Variants in TRMT11 observed in about 807,000 individuals in gnomAD.
TRMT11 encodes the protein tRNA (guanine(10)-N(2))-methyltransferase TRMT11.
A neutral mutation model predicts 62.8 loss-of-function variants in TRMT11; 53 were observed. That is an observed-to-expected ratio of 0.84 (90% confidence interval 0.68 to 1.06). TRMT11 has a LOEUF of 1.06. Ranked by LOEUF, TRMT11 falls within the 50% of genes least tolerant of loss-of-function variation. TRMT11 has a pLI of 0.00. For synonymous variants in TRMT11, 188 were observed against 190.3 expected (o/e 0.99, Z 0.10); for missense variants, 556 against 553.4 (o/e 1.00, Z -0.05).
intron 17 of TRMT11, among the ~76,000 whole-genome samples, chr6:126,086,723 CT>C (rs1318825933): frequency 2.6e-5 from 4 of 152,142 alleles, no homozygotes; most frequent in Non-Finnish European, 5.9e-5. Context: ...CTGTTCACTT[CT>C]TTGTCTTATC....
chr6:126,075,553 T>C (rs1322189219), intron 17 of TRMT11, among the ~76,000 whole-genome samples: 5 of 152,034 alleles, frequency 3.3e-5, no homozygotes, highest in Admixed American at 6.6e-5. Context: ...TCCTCCATGA[T>C]TGTAAGTTTC....
chr6:126,061,063 C>A (rs1439602168), intron 17 of TRMT11, among the ~76,000 whole-genome samples: 1 of 152,172 alleles, frequency 6.6e-6, no homozygotes, highest in African/African-American at 2.4e-5. Flanking sequence ...TAAAAGAGGG[C>A]CCGCATAACA....
intron 5 of TRMT11, 72 bp from the exon 6 acceptor site, chr6:125,998,475 GTAA>G: frequency 6.8e-7 from 1 of 1,470,528 alleles, no homozygotes; most frequent in Non-Finnish European, 9.3e-7. Context: ...GGCTTACAAG[GTAA>G]TGTTATTAGA....
At chr6:126,259,941 TAGTC>T in the TRMT11 span, among the ~76,000 whole-genome samples, 1 of 152,184 alleles carries the variant, frequency 6.6e-6, no homozygotes, top group African/African-American at 2.4e-5. Flanking sequence ...CCTTTATTTT[TAGTC>T]TGTTTGTCTT....
rs1009400864 is a variant in TRMT11, at chr6:126,192,290, C to T, written n.144-6509C>T. Among the ~76,000 whole-genome samples the T allele has an allele frequency of 3.3e-4, 50 of 151,854 alleles. 1 individual carries two copies. The highest frequency in any genetic ancestry group is 2.1e-4 in the South Asian group (1 of 4,822). On this transcript the variant is annotated intron_variant and non_coding_transcript_variant, in intron 1 of 3. Coordinates refer to the TRMT11 transcript ENST00000444229. ...ACTATTGATTTTTGTATGTTGATTTCGTATCTTGCAATTTTACTAAAATGG... is the reference window on the plus strand; with the variant it reads ...ACTATTGATTTTTGTATGTTGATTTTGTATCTTGCAATTTTACTAAAATGG...
chr6:126,160,946 G>A (rs941771627), intron 21 of TRMT11, among the ~76,000 whole-genome samples: 9 of 152,122 alleles, frequency 5.9e-5, no homozygotes, highest in African/African-American at 2.2e-4. Context: ...AGAAAGTTTA[G>A]AAATAAAAGT....
chr6:126,162,362 A>T (rs1778201070), intron 21 of TRMT11, among the ~76,000 whole-genome samples: 1 of 152,206 alleles, frequency 6.6e-6, no homozygotes, highest in African/African-American at 2.4e-5. Context: ...GTCAAAGATC[A>T]GATGGTTGTA....
At chr6:126,187,275 A>T (rs1778537921) in intron 1 of TRMT11, among the ~76,000 whole-genome samples, 2 of 152,040 alleles carry the variant, frequency 1.3e-5, no homozygotes, top group Non-Finnish European at 2.9e-5. Flanking sequence ...TGCAAGATCC[A>T]AGATTGATAT....
intron 17 of TRMT11, among the ~76,000 whole-genome samples, chr6:126,060,394 G>C (rs1016195336): frequency 6.6e-6 from 1 of 152,112 alleles, no homozygotes; most frequent in African/African-American, 2.4e-5. Flanking sequence ...CTTATCACGG[G>C]CTCTCTGGCT....
chr6:126,095,092 G>A (rs1456917402), intron 17 of TRMT11, among the ~76,000 whole-genome samples: 14 of 152,136 alleles, frequency 9.2e-5, no homozygotes, highest in South Asian at 2.1e-4. Flanking sequence ...TTTTCATTAG[G>A]TCTGGCGCTG....
chr6:126,161,367 A>G (rs1336698647), intron 21 of TRMT11, among the ~76,000 whole-genome samples: 1 of 152,108 alleles, frequency 6.6e-6, no homozygotes, highest in Non-Finnish European at 1.5e-5. Context: ...TTTCTGAGAA[A>G]GACAGTTTCC....
intron 21 of TRMT11, among the ~76,000 whole-genome samples, chr6:126,162,428 T>C (rs987513277): frequency 6.6e-6 from 1 of 152,216 alleles, no homozygotes; most frequent in Non-Finnish European, 1.5e-5. Context: ...TATATATCTG[T>C]TTTGTTACCA....
downstream of TRMT11, among the ~76,000 whole-genome samples, chr6:126,205,588 A>T (rs1007388278): frequency 6.6e-6 from 1 of 152,200 alleles, no homozygotes. Flanking sequence ...ACATTAAGGA[A>T]ATTAAGAAAA....
At chr6:126,060,591 G>A (rs1445316286) in intron 17 of TRMT11, among the ~76,000 whole-genome samples, 1 of 152,324 alleles carries the variant, frequency 6.6e-6, no homozygotes, top group East Asian at 1.9e-4. Context: ...ATCAAAGGGC[G>A]TCACAGCACC....
At chr6:126,258,032 G>A in the TRMT11 span, 1 of 1,388,798 alleles carries the variant, frequency 7.2e-7, no homozygotes, top group East Asian at 2.3e-5. Flanking sequence ...CCTCGACCCT[G>A]GCAGCCTGGG....
chr6:126,232,221 A>AAACTTCTT, the TRMT11 span, among the ~76,000 whole-genome samples: 1 of 151,662 alleles, frequency 6.6e-6, no homozygotes, highest in Admixed American at 6.6e-5. Flanking sequence ...TGTGATGGAG[A>AAACTTCTT]AGATTGAGTT....
chr6:125,990,823 A>T (rs1250201552), intron 1 of TRMT11, among the ~76,000 whole-genome samples: 1 of 152,116 alleles, frequency 6.6e-6, no homozygotes, highest in South Asian at 2.1e-4. Context: ...AAGAACATGT[A>T]CTGTTTTTTA....
At chr6:126,165,876 T>C (rs1453285109) in intron 21 of TRMT11, among the ~76,000 whole-genome samples, 5 of 152,222 alleles carry the variant, frequency 3.3e-5, no homozygotes, top group African/African-American at 1.2e-4. Flanking sequence ...CTGAAGTGTG[T>C]TTTCCAAGTT....
chr6:126,220,502 A>T, the TRMT11 span, among the ~76,000 whole-genome samples: 51 of 152,270 alleles, frequency 3.3e-4, no homozygotes, highest in Non-Finnish European at 6.2e-4. Context: ...TTTGCTCCCA[A>T]ATGAAAGGAG....
Sources: allele counts gnomAD v4.1 joint callset (sites outside exome capture counted in the v4.1 genomes callset), GRCh38; gene constraint gnomAD v4.1.1; transcripts MANE v1.5; gene names NCBI Gene and HGNC (gene_info 2026-07-23, HGNC 2026-07-21).